Variants in USP42 observed in about 807,000 individuals in gnomAD.
The protein encoded by USP42 is ubiquitin carboxyl-terminal hydrolase 42.
Under a neutral mutation model 113.0 loss-of-function variants are expected in USP42, and 23 were observed. The ratio of observed to expected loss-of-function variants is 0.20; its 90% CI spans 0.15 to 0.29. The LOEUF is 0.29. Ranked by LOEUF, USP42 falls within the 10% of genes least tolerant of loss-of-function variation. The pLI, the probability that USP42 is intolerant of heterozygous loss-of-function variation, is 1.00. For missense variants in USP42, 2,174 were observed against 1,779.8 expected (o/e 1.22, Z -3.99); for synonymous variants, 933 against 699.0 (o/e 1.33, Z -5.28).
intron 3 of USP42, among the ~76,000 whole-genome samples, chr7:6,125,790 T>C (rs1780509252): frequency 6.6e-6 from 1 of 152,180 alleles, no homozygotes; most frequent in Non-Finnish European, 1.5e-5. Context: ...AGGGGTTGTT[T>C]ATTTTACTTT....
chr7:6,116,956 C>G (rs1281087984), intron 3 of USP42: 1 of 465,602 alleles, frequency 2.1e-6, no homozygotes, highest in East Asian at 6.5e-5. Flanking sequence ...ATCTTTTATG[C>G]TACTGGTAGT....
At chr7:6,109,217 T>C (rs1779456998) in intron 1 of USP42, among the ~76,000 whole-genome samples, 1 of 151,762 alleles carries the variant, frequency 6.6e-6, no homozygotes, top group African/African-American at 2.4e-5. Flanking sequence ...GAACAGCATG[T>C]GCAGAGCCCA....
intron 6 of USP42, among the ~76,000 whole-genome samples, chr7:6,140,665 TTC>T (rs1781382326): frequency 1.3e-5 from 2 of 152,202 alleles, no homozygotes; most frequent in Non-Finnish European, 2.9e-5. Flanking sequence ...TAAATTTTAA[TTC>T]TGTCAGGTTG....
intron 3 of USP42, among the ~76,000 whole-genome samples, chr7:6,118,382 C>G (rs1780028880): frequency 6.6e-6 from 1 of 152,026 alleles, no homozygotes; most frequent in African/African-American, 2.4e-5. Context: ...ATTATCTGGG[C>G]TTGGCGGTGT....
intron 5 of USP42, 29 bp from the exon 6 acceptor site, chr7:6,140,099 C>G (rs759332445): frequency 1.9e-6 from 3 of 1,607,334 alleles, no homozygotes; most frequent in African/African-American, 1.3e-5. Context: ...CAAAGCTCTT[C>G]TCTCATGTCA....
In USP42 at chr7:6,154,326, CGAG is replaced by C. The variant is rs1562855959; in HGVS notation, c.2775_2777del (p.Glu925del). 1.3e-6 allele frequency: 2 copies of C among 1,574,900 alleles called. No homozygotes were observed. Among genetic ancestry groups the C allele is most frequent in the Non-Finnish European group, 1.7e-6 (2 of 1,161,322 alleles). ...CTGAGCCTAGCCCCGGCGAGAGGGT[CGAG>C]GACGCCGCGGCGCCGAAAGCCCCAG... On this transcript the variant is annotated inframe_deletion, in exon 15 of 18. Coordinates refer to ENST00000306177, the MANE Select transcript of USP42 (RefSeq NM_032172.3).
the USP42 span, among the ~76,000 whole-genome samples, chr7:6,092,094 TTCC>T: frequency 1.4e-5 from 2 of 140,498 alleles, no homozygotes; most frequent in South Asian, 4.5e-4. Context: ...CTTCTTCTTC[TTCC>T]TCCTCTTCTT....
intron 15 of USP42, 90 bp downstream of exon 15, chr7:6,155,285 C>G: frequency 7.0e-7 from 1 of 1,437,728 alleles, no homozygotes; most frequent in South Asian, 1.5e-5. Context: ...GAACAAGTGA[C>G]CAGCCAGGCC....
chr7:6,122,443 G>A (rs1032145717), intron 3 of USP42, among the ~76,000 whole-genome samples: 1 of 151,788 alleles, frequency 6.6e-6, no homozygotes, highest in African/African-American at 2.4e-5. Flanking sequence ...GCACCACCAT[G>A]CCTTTTGTTT....
the USP42 span, among the ~76,000 whole-genome samples, chr7:6,097,899 TTTC>T: frequency 1.0e-5 from 1 of 100,138 alleles, no homozygotes; most frequent in Non-Finnish European, 1.9e-5. Context: ...CTTCTTTTTC[TTTC>T]TTTTCTTTTT....
chr7:6,090,360 T>A, the USP42 span, among the ~76,000 whole-genome samples: 1 of 138,402 alleles, frequency 7.2e-6, no homozygotes, highest in Non-Finnish European at 1.5e-5. Flanking sequence ...ATATATATAT[T>A]TATATATATT....
intron 9 of USP42, 65 bp from the exon 10 acceptor site, chr7:6,145,451 C>G (rs1781664773): frequency 6.2e-7 from 1 of 1,601,828 alleles, no homozygotes; most frequent in Non-Finnish European, 8.5e-7. Context: ...TAAGTACCCT[C>G]TACCTGAATA....
chr7:6,152,351 TG>T (rs1782113305), intron 14 of USP42, among the ~76,000 whole-genome samples: 1 of 152,242 alleles, frequency 6.6e-6, no homozygotes, highest in African/African-American at 2.4e-5. Context: ...ATTTATATAC[TG>T]GGTGCCTTCC....
intron 8 of USP42, among the ~76,000 whole-genome samples, chr7:6,143,616 G>A (rs572582862): frequency 9.4e-4 from 142 of 151,710 alleles, no homozygotes; most frequent in Non-Finnish European, 1.8e-3. Context: ...AAGACCAGAG[G>A]GATTTTGCCT....
At chr7:6,115,207 A>G in intron 2 of USP42, 116 bp from the exon 3 acceptor site, 1 of 966,340 alleles carries the variant, frequency 1.0e-6, no homozygotes, top group Non-Finnish European at 1.6e-6. Context: ...TATTTCAGGT[A>G]GGCTGGTCAT....
intron 3 of USP42, among the ~76,000 whole-genome samples, chr7:6,118,822 T>G (rs1780053988): frequency 6.6e-6 from 1 of 152,178 alleles, no homozygotes; most frequent in African/African-American, 2.4e-5. Context: ...AAAAAATCAG[T>G]AAGCCATATC....
At position 6,156,736 on chromosome 7, in the gene USP42, T is replaced by C. The variant is rs1294603384; in HGVS notation, c.3642-18T>C. The C allele has an allele frequency of 6.6e-7, 1 of 1,520,792 alleles. No homozygotes were observed. The highest frequency in any genetic ancestry group is 8.8e-7 in the Non-Finnish European group (1 of 1,139,062). 94.2% of individuals were successfully genotyped at this position (1,520,792 alleles called of 1,614,324 possible). On this transcript the variant is annotated intron_variant, in intron 15 of 17. Transcript: ENST00000306177. ...TTTTGTGTTTTAGGGTTTTGAATTC[T>C]GGCTTTTCCTTCTGCAGGCATCAGC...
chr7:6,101,877 GAGTCCAGCCTGACC>G (rs140478681), upstream of USP42, among the ~76,000 whole-genome samples: 944 of 149,048 alleles, frequency 6.3e-3, 54 homozygotes, highest in African/African-American at 0.023. Context: ...CCAGGAGTTC[GAGTCCAGCCTGACC>G]AACATGGTGA....
chr7:6,098,866 G>A, the USP42 span, among the ~76,000 whole-genome samples: 1 of 149,950 alleles, frequency 6.7e-6, no homozygotes, highest in African/African-American at 2.5e-5. Context: ...TGTCTTGTAG[G>A]GTACCTACCT....
Sources: gnomAD v4.1 joint callset for allele counts (sites outside exome capture counted in the v4.1 genomes callset) on GRCh38, gnomAD v4.1.1 for gene constraint, MANE v1.5 for transcripts, NCBI Gene and HGNC (gene_info 2026-07-23, HGNC 2026-07-21) for gene names.